CELF4: variants seen among roughly 807,000 people sequenced by gnomAD.
CELF4 encodes CUGBP Elav-like family member 4, also known as CUG-BP- and ETR-3-like factor 4.
Under a neutral mutation model 59.9 loss-of-function variants are expected in CELF4, and 18 were observed. The observed-to-expected ratio is 0.30, with a 90% CI of 0.21 to 0.45. The LOEUF (loss-of-function observed/expected upper bound fraction) is 0.45. Among genes scored for constraint, CELF4 ranks in the 20% least tolerant of loss-of-function variants. The probability of loss-of-function intolerance (pLI) is 1.00; values close to 1 mark genes in which losing one functional copy is unlikely to be tolerated. For missense variants in CELF4, 456 were observed against 689.0 expected (o/e 0.66, Z 3.79); for synonymous variants, 261 against 267.1 (o/e 0.98, Z 0.22).
chr18:37,283,434 C>T (rs1274442829), intron 3 of CELF4, among the ~76,000 whole-genome samples: 1 of 152,188 alleles, frequency 6.6e-6, no homozygotes, highest in Admixed American at 6.5e-5. Flanking sequence ...CAGGCACACA[C>T]ACTCCATGCC....
chr18:37,259,296 G>A, intron 10 of CELF4, 32 bp from the exon 11 acceptor site: 3 of 560,576 alleles, frequency 5.4e-6, no homozygotes, highest in Admixed American at 2.6e-5. Flanking sequence ...GGCGGGGGAG[G>A]AGGGATGGCA....
intron 1 of CELF4, among the ~76,000 whole-genome samples, chr18:37,557,698 C>G (rs1266844646): frequency 6.6e-6 from 1 of 152,148 alleles, no homozygotes; most frequent in East Asian, 1.9e-4. Context: ...CAATTAAGCT[C>G]TTGTAGGAAG....
chr18:37,275,290 C>A, intron 3 of CELF4, 47 bp from the exon 4 acceptor site: 1 of 1,560,164 alleles, frequency 6.4e-7, no homozygotes, highest in East Asian at 2.5e-5. Flanking sequence ...GACCGGGCTG[C>A]GCGGGAGCAG....
intron 1 of CELF4, among the ~76,000 whole-genome samples, chr18:37,488,183 C>T (rs1237504829): frequency 2.0e-5 from 3 of 152,184 alleles, no homozygotes; most frequent in Non-Finnish European, 1.5e-5. Flanking sequence ...CTCAGAGACA[C>T]TTCCCTTGAC....
chr18:37,302,688 G>T (rs919269654), intron 3 of CELF4, among the ~76,000 whole-genome samples: 1 of 152,196 alleles, frequency 6.6e-6, no homozygotes, highest in African/African-American at 2.4e-5. Context: ...CCTGGGTGCT[G>T]CAGGGGATGG....
At chr18:37,290,523 T>C (rs2095262628) in intron 3 of CELF4, among the ~76,000 whole-genome samples, 1 of 152,172 alleles carries the variant, frequency 6.6e-6, no homozygotes, top group Non-Finnish European at 1.5e-5. Context: ...GAAATGCTGA[T>C]CCAAGAAGGG....
chr18:37,293,687 A>G (rs1365521417), intron 3 of CELF4, among the ~76,000 whole-genome samples: 4 of 152,158 alleles, frequency 2.6e-5, no homozygotes, highest in African/African-American at 7.2e-5. Flanking sequence ...CTGAGGTGCA[A>G]TGACTTCCAG....
In CELF4 at chr18:37,435,775, T is replaced by C. The variant is rs549870386; in HGVS notation, c.369+49750A>G. Among the ~76,000 whole-genome samples the C allele has an allele frequency of 1.4e-4, 21 of 152,304 alleles. No homozygotes were observed. The South Asian group carries it at 3.9e-3, about 29-fold the overall frequency. On this transcript the variant is annotated intron_variant, in intron 2 of 12. Coordinates refer to ENST00000420428, the MANE Select transcript of CELF4 (RefSeq NM_020180.4). The stretch of plus-strand genomic sequence containing the variant: ...CAGTTGACACCCCAGTCCTCAGCAC[T>C]GTAGCCCACCCTAGCGTGTCTTCCA...
intron 2 of CELF4, among the ~76,000 whole-genome samples, chr18:37,464,390 C>G (rs536687282): frequency 3.9e-5 from 6 of 152,290 alleles, no homozygotes; most frequent in African/African-American, 1.4e-4. Flanking sequence ...CTTAAAGACT[C>G]CCATCGATGC....
chr18:37,314,855 C>A (rs917831683), intron 3 of CELF4, among the ~76,000 whole-genome samples: 2 of 152,202 alleles, frequency 1.3e-5, no homozygotes, highest in Non-Finnish European at 2.9e-5. Context: ...CTGATAGAAG[C>A]CCCTGAAGGA....
intron 2 of CELF4, among the ~76,000 whole-genome samples, chr18:37,415,737 G>C (rs2099522337): frequency 6.6e-6 from 1 of 152,184 alleles, no homozygotes; most frequent in Non-Finnish European, 1.5e-5. Context: ...TGGCAGGTTG[G>C]GAAGATTAAA....
chr18:37,448,088 G>A (rs1253929306), intron 2 of CELF4, among the ~76,000 whole-genome samples: 1 of 152,228 alleles, frequency 6.6e-6, no homozygotes, highest in Non-Finnish European at 1.5e-5. Flanking sequence ...GAGCCATGAG[G>A]CAGTCGAATG....
At chr18:37,274,074 C>T (rs1053897751) in intron 6 of CELF4, 38 of 1,357,930 alleles carry the variant, frequency 2.8e-5, no homozygotes, top group Non-Finnish European at 3.5e-5. Flanking sequence ...CTCAGCTCTG[C>T]CCCTTAGAAC....
At chr18:37,488,711 C>T (rs916388917) in intron 1 of CELF4, among the ~76,000 whole-genome samples, 1 of 152,224 alleles carries the variant, frequency 6.6e-6, no homozygotes, top group Non-Finnish European at 1.5e-5. Flanking sequence ...GCTCCTGACT[C>T]CTCCACCATC....
intron 3 of CELF4, among the ~76,000 whole-genome samples, chr18:37,314,927 C>T (rs2096812504): frequency 6.6e-6 from 1 of 152,148 alleles, no homozygotes; most frequent in Admixed American, 6.5e-5. Flanking sequence ...ACCTCCAGCC[C>T]GGGCCTCACT....
chr18:37,276,451 C>A (rs991710844), intron 3 of CELF4: 1 of 152,236 alleles, frequency 6.6e-6, no homozygotes, highest in African/African-American at 2.4e-5. Context: ...CTTCCACTTG[C>A]CTCTGTTTTG....
At chr18:37,493,837 A>T (rs1057342509) in intron 1 of CELF4, among the ~76,000 whole-genome samples, 5 of 152,156 alleles carry the variant, frequency 3.3e-5, no homozygotes, top group African/African-American at 1.2e-4. Flanking sequence ...CTCTCTTTAA[A>T]TCAGAAACTC....
intron 2 of CELF4, among the ~76,000 whole-genome samples, chr18:37,470,887 T>TGTGTGAGAGAGAGAGAGAGA (rs1325788685): frequency 4.2e-5 from 3 of 71,926 alleles, no homozygotes; most frequent in African/African-American, 1.6e-4. Context: ...TGTGTGTGTG[T>TGTGTGAGAGAGAGAGAGAGA]GACAGAGAGA....
intron 2 of CELF4, among the ~76,000 whole-genome samples, chr18:37,405,270 A>G (rs1262294271): frequency 2.6e-5 from 4 of 152,118 alleles, no homozygotes; most frequent in Non-Finnish European, 5.9e-5. Context: ...GTGTGGGAGG[A>G]ATTTCCTCAG....
Sources: allele counts gnomAD v4.1 joint callset (sites outside exome capture counted in the v4.1 genomes callset), GRCh38; gene constraint gnomAD v4.1.1; transcripts MANE v1.5; gene names NCBI Gene and HGNC (gene_info 2026-07-23, HGNC 2026-07-21).